Variants in NCK2 observed in about 807,000 individuals in gnomAD.
NCK2 encodes cytoplasmic protein NCK2.
Under a neutral mutation model 33.9 loss-of-function variants are expected in NCK2, and 16 were observed. The observed-to-expected ratio is 0.47, with a 90% CI of 0.32 to 0.72. NCK2 has a LOEUF of 0.72. NCK2 is among the 30% of genes least tolerant of loss of function. The probability of loss-of-function intolerance (pLI) is 0.03; values close to 1 mark genes in which losing one functional copy is unlikely to be tolerated. For missense variants in NCK2, 418 were observed against 537.3 expected (o/e 0.78, Z 2.19); for synonymous variants, 273 against 239.9 (o/e 1.14, Z -1.27).
At chr2:105,870,054 C>G (rs1374533761) in intron 3 of NCK2, among the ~76,000 whole-genome samples, 1 of 152,194 alleles carries the variant, frequency 6.6e-6, no homozygotes, top group Non-Finnish European at 1.5e-5. Flanking sequence ...AGGGTGGGTC[C>G]TTTGCCCCAA....
chr2:105,752,625 T>C lies in NCK2; in HGVS notation c.-201+7487T>C, dbSNP rs550100419. On this transcript the variant is annotated intron_variant, in intron 1 of 4. Coordinates refer to ENST00000233154, the MANE Select transcript of NCK2 (RefSeq NM_003581.5). Reference sequence around the variant, plus strand: ...CCTAAGGGTGAATTCAGGACCTTTATTGTATCCATCACTCAAATAACATAC... The same window carrying C: ...CCTAAGGGTGAATTCAGGACCTTTACTGTATCCATCACTCAAATAACATAC... Among the ~76,000 whole-genome samples, 390 of 152,316 alleles carry C rather than the reference T, an allele frequency of 2.6e-3. 1 individual carries two copies. The highest frequency in any genetic ancestry group is 4.7e-3 in the Non-Finnish European group (320 of 68,028).
At chr2:105,892,908 C>G in intron 4 of NCK2, 74 bp from the exon 5 acceptor site, 1 of 1,284,116 alleles carries the variant, frequency 7.8e-7, no homozygotes, top group Non-Finnish European at 1.1e-6. Context: ...TTTAGACGCA[C>G]AAGAGATGTG....
At chr2:105,807,684 C>T (rs552073255) in intron 1 of NCK2, among the ~76,000 whole-genome samples, 2 of 146,846 alleles carry the variant, frequency 1.4e-5, no homozygotes, top group African/African-American at 5.0e-5. Flanking sequence ...AACCTCTCTC[C>T]TTTTTTTTTT....
At chr2:105,793,185 G>C (rs1442331238) in intron 1 of NCK2, among the ~76,000 whole-genome samples, 2 of 152,160 alleles carry the variant, frequency 1.3e-5, no homozygotes, top group Admixed American at 1.3e-4. Context: ...GAAGGGATTG[G>C]GCATTAAAAG....
At chr2:105,811,078 G>A (rs1422768417) in intron 1 of NCK2, among the ~76,000 whole-genome samples, 1 of 151,242 alleles carries the variant, frequency 6.6e-6, no homozygotes, top group African/African-American at 2.4e-5. Context: ...GGGAGGCTGA[G>A]GTAAGAGAAT....
At chr2:105,782,653 TCAAA>T (rs1376882674) in intron 1 of NCK2, among the ~76,000 whole-genome samples, 15 of 150,788 alleles carry the variant, frequency 9.9e-5, no homozygotes, top group Non-Finnish European at 4.4e-5. Flanking sequence ...TCATGCAACG[TCAAA>T]TGATAGAACC....
At chr2:105,877,434 G>A (rs908106283) in intron 3 of NCK2, among the ~76,000 whole-genome samples, 1 of 152,178 alleles carries the variant, frequency 6.6e-6, no homozygotes, top group Non-Finnish European at 1.5e-5. Context: ...TGGTCCCATT[G>A]ACGTCTTTCC....
At position 105,867,944 on chromosome 2, in the gene NCK2, G is replaced by A. The variant is rs114050254; in HGVS notation, c.226+12655G>A. ...TGTTTCTGTCTGCATTTACCCATAC[G>A]GTGTGCTTTCTTTTTTAGGTGCTAT... On this transcript the variant is annotated intron_variant, in intron 3 of 4. Coordinates refer to ENST00000233154, the MANE Select transcript of NCK2 (RefSeq NM_003581.5). 7.0e-3 allele frequency among the ~76,000 whole-genome samples: 1,065 copies of A among 152,256 alleles called. 6 individuals carry two copies. The highest frequency in any genetic ancestry group is 0.027 in the Middle Eastern group (8 of 294).
intron 1 of NCK2, among the ~76,000 whole-genome samples, chr2:105,755,561 C>G (rs776510739): frequency 6.6e-6 from 1 of 152,210 alleles, no homozygotes; most frequent in Non-Finnish European, 1.5e-5. Flanking sequence ...ACACATTGCA[C>G]GTTCATGCGT....
intron 1 of NCK2, among the ~76,000 whole-genome samples, chr2:105,780,606 C>A (rs1690460749): frequency 6.6e-6 from 1 of 152,170 alleles, no homozygotes; most frequent in Non-Finnish European, 1.5e-5. Flanking sequence ...CCAGTCAGAG[C>A]CCCTGGTCAC....
At chr2:105,855,425 A>G in intron 3 of NCK2, 136 bp downstream of exon 3, 1 of 666,672 alleles carries the variant, frequency 1.5e-6, no homozygotes, top group Admixed American at 3.0e-5. Flanking sequence ...CTTTTTTAAT[A>G]ATCTAAGAAT....
intron 2 of NCK2, among the ~76,000 whole-genome samples, chr2:105,841,504 G>A (rs1676644534): frequency 6.6e-6 from 1 of 152,172 alleles, no homozygotes; most frequent in Non-Finnish European, 1.5e-5. Context: ...TCAGATATCT[G>A]GAAGCCCATC....
chr2:105,806,458 C>T (rs1206186109), intron 1 of NCK2, among the ~76,000 whole-genome samples: 8 of 152,066 alleles, frequency 5.3e-5, no homozygotes, highest in African/African-American at 1.4e-4. Flanking sequence ...AGGATGGTCT[C>T]GATCTCTTGA....
chr2:105,761,861 CAGTG>C (rs2104356110), intron 1 of NCK2, among the ~76,000 whole-genome samples: 1 of 152,318 alleles, frequency 6.6e-6, no homozygotes, highest in African/African-American at 2.4e-5. Flanking sequence ...GCCTATATGA[CAGTG>C]AGACCAAAAA....
At chr2:105,788,884 G>A (rs868634556) in intron 1 of NCK2, among the ~76,000 whole-genome samples, 77 of 152,138 alleles carry the variant, frequency 5.1e-4, no homozygotes, top group African/African-American at 1.7e-3. Context: ...TCAGGGCAGC[G>A]GATCTCTTAT....
intron 1 of NCK2, among the ~76,000 whole-genome samples, chr2:105,769,075 AC>A (rs1164453206): frequency 1.3e-5 from 2 of 151,732 alleles, no homozygotes; most frequent in East Asian, 1.9e-4. Flanking sequence ...ATCTAGGGGC[AC>A]CCCCCAACCC....
intron 1 of NCK2, among the ~76,000 whole-genome samples, chr2:105,802,480 A>C (rs530331436): frequency 5.9e-5 from 9 of 152,228 alleles, no homozygotes; most frequent in Non-Finnish European, 1.0e-4. Context: ...TGGTGCCAGC[A>C]TCTACTTCTG....
At chr2:105,807,426 AAG>A (rs1291744248) in intron 1 of NCK2, among the ~76,000 whole-genome samples, 1 of 152,222 alleles carries the variant, frequency 6.6e-6, no homozygotes, top group Admixed American at 6.5e-5. Context: ...TAGAAATAAA[AAG>A]TGCAAATTTT....
chr2:105,842,661 T>C (rs1676692304), intron 2 of NCK2, among the ~76,000 whole-genome samples: 1 of 152,164 alleles, frequency 6.6e-6, no homozygotes, highest in Non-Finnish European at 1.5e-5. Flanking sequence ...TCATTATGTT[T>C]TGTTGCCCCT....
Sources: gnomAD v4.1 joint callset for allele counts (sites outside exome capture counted in the v4.1 genomes callset) on GRCh38, gnomAD v4.1.1 for gene constraint, MANE v1.5 for transcripts, NCBI Gene and HGNC (gene_info 2026-07-23, HGNC 2026-07-21) for gene names.